Variants in GRK5 observed in about 807,000 individuals in gnomAD.
GRK5 encodes the protein G protein-coupled receptor kinase 5.
In GRK5, 40 loss-of-function variants were observed where a neutral mutation model predicts 78.4. The ratio of observed to expected loss-of-function variants is 0.51; its 90% CI spans 0.40 to 0.66. The LOEUF (loss-of-function observed/expected upper bound fraction) is 0.66, where lower values mean the gene tolerates loss of function less well. Among genes scored for constraint, GRK5 ranks in the 30% least tolerant of loss-of-function variants. GRK5 has a pLI of 0.00. For missense variants in GRK5, 598 were observed against 759.9 expected (o/e 0.79, Z 2.50); for synonymous variants, 289 against 296.8 (o/e 0.97, Z 0.27).
intron 1 of GRK5, among the ~76,000 whole-genome samples, chr10:119,289,583 C>T (rs1849915151): frequency 6.6e-6 from 1 of 152,166 alleles, no homozygotes; most frequent in Non-Finnish European, 1.5e-5. Context: ...GTGACTTGGC[C>T]ATAGTCACAC....
chr10:119,357,131 C>G (rs1046150242), intron 2 of GRK5, among the ~76,000 whole-genome samples: 1 of 152,216 alleles, frequency 6.6e-6, no homozygotes, highest in Admixed American at 6.5e-5. Flanking sequence ...GATGCCTTGC[C>G]CTATCAAAGT....
intron 1 of GRK5, among the ~76,000 whole-genome samples, chr10:119,251,159 C>T (rs957820915): frequency 7.2e-5 from 11 of 152,162 alleles, no homozygotes; most frequent in Admixed American, 4.6e-4. Context: ...TGCTTGCTCC[C>T]AAACTGTTTG....
intron 1 of GRK5, among the ~76,000 whole-genome samples, chr10:119,301,287 T>TG (rs1296873853): frequency 6.6e-6 from 1 of 152,206 alleles, no homozygotes; most frequent in Non-Finnish European, 1.5e-5. Flanking sequence ...GGGTTAGTCT[T>TG]GCCTGCCTCT....
chr10:119,426,524 G>A (rs1852679683), intron 6 of GRK5, among the ~76,000 whole-genome samples: 1 of 152,248 alleles, frequency 6.6e-6, no homozygotes, highest in Admixed American at 6.5e-5. Flanking sequence ...TTTGTAAAAT[G>A]TGGATGATTG....
At chr10:119,322,148 C>A (rs1850595897) in intron 1 of GRK5, among the ~76,000 whole-genome samples, 1 of 152,166 alleles carries the variant, frequency 6.6e-6, no homozygotes, top group Admixed American at 6.6e-5. Context: ...GAGACGGAGT[C>A]TTGCTATGTT....
intron 1 of GRK5, among the ~76,000 whole-genome samples, chr10:119,215,274 T>A (rs1216966771): frequency 6.6e-6 from 1 of 152,118 alleles, no homozygotes; most frequent in Admixed American, 6.5e-5. Context: ...GGGCCATGCA[T>A]ATAGAACATT....
intron 2 of GRK5, among the ~76,000 whole-genome samples, chr10:119,360,293 T>C (rs989948193): frequency 3.9e-5 from 6 of 152,284 alleles, no homozygotes; most frequent in South Asian, 4.1e-4. Flanking sequence ...CTTGTGTCCA[T>C]TTCTTGGGTG....
intron 1 of GRK5, among the ~76,000 whole-genome samples, chr10:119,235,250 G>A (rs903121941): frequency 5.9e-5 from 9 of 151,872 alleles, no homozygotes; most frequent in Non-Finnish European, 1.5e-5. Flanking sequence ...TGTTCTTCAT[G>A]TGTAGATTTA....
intron 12 of GRK5, among the ~76,000 whole-genome samples, chr10:119,444,528 C>A (rs767774388): frequency 1.3e-5 from 2 of 152,150 alleles, no homozygotes; most frequent in Non-Finnish European, 2.9e-5. Flanking sequence ...TGGCTCTCAG[C>A]CCCCAAGTCC....
At chr10:119,427,273 C>G (rs62653140) in intron 6 of GRK5, among the ~76,000 whole-genome samples, 48,714 of 136,340 alleles carry the variant, frequency 0.36, 10,902 homozygotes, top group Admixed American at 0.46. Context: ...CAGCATCAAC[C>G]ACCATCTTCA....
At chr10:119,234,384 T>G (rs1848883567) in intron 1 of GRK5, among the ~76,000 whole-genome samples, 1 of 152,214 alleles carries the variant, frequency 6.6e-6, no homozygotes, top group Admixed American at 6.5e-5. Context: ...ATGTCTTATT[T>G]CAATTCTGCC....
In GRK5 at chr10:119,439,820, G is replaced by A; in HGVS notation, c.967+52G>A. ...AGGTGAGCATTGCAACCCCAAGAAA[G>A]CAAAGGGCCTCCCAGGGATTCTCAG... On this transcript the variant is annotated intron_variant, in intron 10 of 15. Coordinates refer to ENST00000392870, the MANE Select transcript of GRK5 (RefSeq NM_005308.3). The A allele has an allele frequency of 1.9e-6, 3 of 1,556,112 alleles. No homozygotes were observed. The Admixed American group carries it at 5.0e-5, about 26-fold the overall frequency.
intron 2 of GRK5, among the ~76,000 whole-genome samples, chr10:119,342,999 A>G (rs1004483220): frequency 6.6e-6 from 1 of 152,128 alleles, no homozygotes; most frequent in Admixed American, 6.5e-5. Flanking sequence ...ATGAGCCCCT[A>G]TTCAGCTTTC....
chr10:119,222,311 T>C (rs1447658434), intron 1 of GRK5, among the ~76,000 whole-genome samples: 2 of 113,154 alleles, frequency 1.8e-5, no homozygotes, highest in Non-Finnish European at 4.5e-5. Context: ...AGCTGGTAGA[T>C]GTGTAAATGT....
chr10:119,402,240 G>A (rs1184290562), intron 4 of GRK5, among the ~76,000 whole-genome samples: 1 of 152,144 alleles, frequency 6.6e-6, no homozygotes, highest in South Asian at 2.1e-4. Flanking sequence ...AAAACATCAC[G>A]TGGCAGGCTC....
At chr10:119,390,349 G>A (rs1851869171) in intron 3 of GRK5, among the ~76,000 whole-genome samples, 1 of 152,194 alleles carries the variant, frequency 6.6e-6, no homozygotes, top group African/African-American at 2.4e-5. Flanking sequence ...CACATGGCGG[G>A]AGACAAGAGA....
intron 13 of GRK5, among the ~76,000 whole-genome samples, chr10:119,450,484 G>A (rs184075520): frequency 8.3e-4 from 126 of 152,332 alleles, no homozygotes; most frequent in African/African-American, 2.9e-3. Context: ...GGCAGCCTCC[G>A]GGAAGATGGG....
At chr10:119,211,182 A>G (rs945300355) in intron 1 of GRK5, among the ~76,000 whole-genome samples, 6 of 152,152 alleles carry the variant, frequency 3.9e-5, no homozygotes, top group African/African-American at 1.4e-4. Context: ...GAAAACATCA[A>G]CTCGATCACT....
chr10:119,437,361 AGGGCC>A (rs1852943899), intron 9 of GRK5, among the ~76,000 whole-genome samples: 1 of 152,160 alleles, frequency 6.6e-6, no homozygotes, highest in African/African-American at 2.4e-5. Context: ...TGGACATTGT[AGGGCC>A]AGGGGTCCAG....
Sources: gnomAD v4.1 joint callset for allele counts (sites outside exome capture counted in the v4.1 genomes callset) on GRCh38, gnomAD v4.1.1 for gene constraint, MANE v1.5 for transcripts, NCBI Gene and HGNC (gene_info 2026-07-23, HGNC 2026-07-21) for gene names.